The following FAT3 variants were observed in gnomAD, a reference collection of about 807,000 sequenced individuals.
FAT3 encodes the protein protocadherin Fat 3.
FAT3 carries 95 observed loss-of-function variants against 310.2 expected under a neutral mutation model. The ratio of observed to expected loss-of-function variants is 0.31; its 90% CI spans 0.26 to 0.36. FAT3 has a LOEUF of 0.36. Among genes scored for constraint, FAT3 ranks in the 10% least tolerant of loss-of-function variants. The probability of loss-of-function intolerance (pLI) is 1.00; values close to 1 mark genes in which losing one functional copy is unlikely to be tolerated. For missense variants in FAT3, 5,408 were observed against 5,715.6 expected (o/e 0.95, Z 1.74); for synonymous variants, 2,314 against 2,192.9 (o/e 1.06, Z -1.54).
At chr11:92,765,148 GGA>G in intron 6 of FAT3, 59 bp downstream of exon 6, 1 of 1,070,028 alleles carries the variant, frequency 9.3e-7, no homozygotes, top group African/African-American at 2.2e-5. Context: ...GAAGCAACTA[GGA>G]AAAAAAAAAA....
At chr11:92,251,613 A>G (rs990218409) in intron 1 of FAT3, among the ~76,000 whole-genome samples, 2 of 152,124 alleles carry the variant, frequency 1.3e-5, no homozygotes, top group Non-Finnish European at 2.9e-5. Flanking sequence ...TATTAATTAA[A>G]GTAGAAATAT....
At chr11:92,457,569 A>T (rs141256898) in intron 2 of FAT3, among the ~76,000 whole-genome samples, 1 of 152,338 alleles carries the variant, frequency 6.6e-6, no homozygotes, top group Admixed American at 6.5e-5. Flanking sequence ...AAATCACCAT[A>T]TCCAAATTAG....
At chr11:92,637,535 C>T (rs756694777) in intron 3 of FAT3, among the ~76,000 whole-genome samples, 1 of 152,198 alleles carries the variant, frequency 6.6e-6, no homozygotes, top group Non-Finnish European at 1.5e-5. Context: ...ATCTCTCTGT[C>T]ATTAATGGCA....
Position 92,891,172 on chromosome 11 carries a change from G to A in FAT3, c.*59G>A, listed in dbSNP as rs2136451654. ...ACAGAAAAGTGGAAGCAGATTGGCT[G>A]GGCTTCTGTCCCAGTGGAGCATTGT... On this transcript the variant is annotated 3_prime_UTR_variant, in exon 28 of 28. Coordinates refer to ENST00000525166, the MANE Select transcript of FAT3 (RefSeq NM_001367949.2). 6.3e-7 allele frequency: 1 copy of A among 1,578,606 alleles called. No homozygotes were observed. Among genetic ancestry groups the A allele is most frequent in the Non-Finnish European group, 8.6e-7 (1 of 1,163,010 alleles).
chr11:92,240,569 ACCCCC>A (rs5793589), intron 1 of FAT3, among the ~76,000 whole-genome samples: 30,726 of 140,676 alleles, frequency 0.22, 3,364 homozygotes, highest in East Asian at 0.39. Context: ...ACAAAATGAA[ACCCCC>A]CCAAAAAAAA....
At chr11:92,755,527 G>A (rs1229663868) in intron 4 of FAT3, among the ~76,000 whole-genome samples, 1 of 152,088 alleles carries the variant, frequency 6.6e-6, no homozygotes, top group Non-Finnish European at 1.5e-5. Context: ...CCCTGCCAGA[G>A]AGTAGATTTT....
intron 3 of FAT3, among the ~76,000 whole-genome samples, chr11:92,676,637 C>G (rs966735461): frequency 6.6e-6 from 1 of 152,144 alleles, no homozygotes; most frequent in Non-Finnish European, 1.5e-5. Flanking sequence ...AAACTGGACT[C>G]TGAAATAAGT....
At position 92,800,775 on chromosome 11, in the gene FAT3, G is replaced by C. The variant is rs1389804738; in HGVS notation, c.7762G>C (p.Val2588Leu). ...GGRTTFCTVR[V>L]IVVDENDNAP... ...GAGAACAACTTTCTGCACTGTGAGAGTGATTGTTGTGGATGAAAATGACAA... is the reference window on the plus strand; with the variant it reads ...GAGAACAACTTTCTGCACTGTGAGACTGATTGTTGTGGATGAAAATGACAA... The change falls in exon 10 of 28, where the codon GTG becomes CTG. Residue 2588 changes from valine (V) to leucine (L), a missense_variant. This residue lies in a region of FAT3 where 4,588 missense variants were observed against 4,809.8 expected (regional missense o/e 0.95). Transcript: ENST00000525166. 2.5e-6 allele frequency: 4 copies of C among 1,613,820 alleles called. No individual in the cohort carries two copies. The highest frequency in any genetic ancestry group is 1.3e-5 in the African/African-American group (1 of 74,916).
At chr11:92,457,758 T>C (rs1163556467) in intron 2 of FAT3, among the ~76,000 whole-genome samples, 2 of 151,836 alleles carry the variant, frequency 1.3e-5, no homozygotes, top group Non-Finnish European at 2.9e-5. Context: ...CCGTCTCTAC[T>C]CAAGAGTACA....
chr11:92,408,184 G>A (rs1185045352), intron 2 of FAT3: 1 of 152,102 alleles, frequency 6.6e-6, no homozygotes, highest in South Asian at 2.1e-4. Context: ...GATCACATGC[G>A]AAGACCAGCA....
intron 2 of FAT3, among the ~76,000 whole-genome samples, chr11:92,403,622 G>T (rs959618484): frequency 6.6e-6 from 1 of 152,216 alleles, no homozygotes; most frequent in Non-Finnish European, 1.5e-5. Flanking sequence ...CTTATTTCCA[G>T]GGGTGTTCTA....
intron 3 of FAT3, among the ~76,000 whole-genome samples, chr11:92,584,979 T>C (rs949064089): frequency 2.0e-5 from 3 of 151,964 alleles, no homozygotes; most frequent in African/African-American, 7.3e-5. Flanking sequence ...TAAAATGATA[T>C]CCCTTTGTAT....
rs375456244 is a variant in FAT3 at position 92,890,607 on chromosome 11, C to T, written c.13264C>T (p.Leu4422=). 28 of 1,613,718 alleles carry T rather than the reference C, an allele frequency of 1.7e-5. No individual in the cohort carries two copies. In the African/African-American group the frequency reaches 3.7e-4, roughly 22 times the overall value. Residue 4422 remains leucine, a synonymous_variant, in exon 28 of 28, where the codon CTG becomes TTG. Coordinates refer to ENST00000525166, the MANE Select transcript of FAT3 (RefSeq NM_001367949.2). ...GSAHQGSTRE[L]ESDYYLGGYD... ...TGCACACCAGGGGAGCACACGGGAGCTGGAGAGCGATTACTACCTGGGTGG... is the reference window on the plus strand; with the variant it reads ...TGCACACCAGGGGAGCACACGGGAGTTGGAGAGCGATTACTACCTGGGTGG...
chr11:92,377,260 T>C (rs1276293703), intron 2 of FAT3, among the ~76,000 whole-genome samples: 1 of 152,214 alleles, frequency 6.6e-6, no homozygotes, highest in Non-Finnish European at 1.5e-5. Flanking sequence ...TGTTAGTTTA[T>C]AGTTATAATA....
At chr11:92,863,302 C>G (rs1329985468) in intron 21 of FAT3, among the ~76,000 whole-genome samples, 1 of 152,126 alleles carries the variant, frequency 6.6e-6, no homozygotes, top group Non-Finnish European at 1.5e-5. Context: ...GAATAATCCT[C>G]TTACAAGTTC....
intron 3 of FAT3, among the ~76,000 whole-genome samples, chr11:92,530,664 T>G (rs1235812723): frequency 1.3e-5 from 2 of 152,114 alleles, no homozygotes; most frequent in Admixed American, 1.3e-4. Context: ...CAGAATTTGT[T>G]ATTAAGTGGA....
chr11:92,260,461 G>A (rs1170761270), intron 1 of FAT3, among the ~76,000 whole-genome samples: 2 of 152,060 alleles, frequency 1.3e-5, no homozygotes, highest in Non-Finnish European at 2.9e-5. Context: ...CTTAATAATA[G>A]CTGGACTTAC....
chr11:92,519,457 A>G (rs570312426), intron 2 of FAT3, among the ~76,000 whole-genome samples: 1 of 152,264 alleles, frequency 6.6e-6, no homozygotes, highest in African/African-American at 2.4e-5. Context: ...CAAAATTTTT[A>G]TGACTTTGGA....
chr11:92,227,895 T>C (rs1863988790), intron 1 of FAT3, among the ~76,000 whole-genome samples: 1 of 150,376 alleles, frequency 6.6e-6, no homozygotes, highest in Admixed American at 6.6e-5. Flanking sequence ...TCTTATTTAA[T>C]AGGGTTGGAG....
Sources: gnomAD v4.1 joint callset for allele counts (sites outside exome capture counted in the v4.1 genomes callset) on GRCh38, gnomAD v4.1.1 for gene constraint, gnomAD v4.1.1 regional missense constraint, MANE v1.5 for transcripts, NCBI Gene and HGNC (gene_info 2026-07-23, HGNC 2026-07-21) for gene names.